RAI1: variants seen among roughly 807,000 people sequenced by gnomAD.
RAI1 encodes retinoic acid-induced protein 1.
Under a neutral mutation model 123.8 loss-of-function variants are expected in RAI1, and 9 were observed. The observed-to-expected ratio is 0.07, with a 90% confidence interval of 0.04 to 0.13. RAI1 has a LOEUF of 0.13. Among genes scored for constraint, RAI1 ranks in the 10% least tolerant of loss-of-function variants. The pLI is 1.00. For synonymous variants in RAI1, 1,231 were observed against 1,127.3 expected, an observed-to-expected ratio of 1.09 and a Z score of -1.84; for missense variants, 2,256 against 2,545.8, an observed-to-expected ratio of 0.89 and a Z score of 2.45.
chr17:17,742,572 C>T (rs1489163587), intron 2 of RAI1, among the ~76,000 whole-genome samples: 1 of 152,140 alleles, frequency 6.6e-6, no homozygotes, highest in Non-Finnish European at 1.5e-5. Flanking sequence ...GGAAACTTTG[C>T]CAAAAATAAT....
rs772479052 is a variant in RAI1, at chr17:17,793,649, A to G, written c.701A>G (p.His234Arg). The stretch of plus-strand genomic sequence containing the variant: ...GTCCAGGGTGGTGGGCAGGGGGCCC[A>G]CTCCTATAAGAGTTGCACAGCACCG... ...SSVQGGGQGA[H>R]SYKSCTAPTA... Residue 234 changes from histidine to arginine, a missense_variant, in exon 3 of 6, where the codon CAC (histidine) becomes CGC (arginine). His to Arg is a conservative substitution (Grantham distance 29). Coordinates refer to ENST00000353383, the MANE Select transcript of RAI1 (RefSeq NM_030665.4). 6.2e-7 allele frequency: 1 copy of G among 1,612,634 alleles called. No homozygotes were observed. The highest frequency in any genetic ancestry group is 8.5e-7 in the Non-Finnish European group (1 of 1,179,880).
intron 1 of RAI1, among the ~76,000 whole-genome samples, chr17:17,715,927 A>T (rs1217337427): frequency 6.6e-6 from 1 of 152,134 alleles, no homozygotes; most frequent in Non-Finnish European, 1.5e-5. Flanking sequence ...GGAGTGGAGG[A>T]GTGCTGGAAG....
chr17:17,777,174 C>A (rs2031377099), intron 2 of RAI1: 1 of 152,076 alleles, frequency 6.6e-6, no homozygotes, highest in African/African-American at 2.4e-5. Context: ...GACTTCGGGC[C>A]CAGGTTAGAG....
chr17:17,774,578 G>A (rs1309560564), intron 2 of RAI1, among the ~76,000 whole-genome samples: 1 of 152,254 alleles, frequency 6.6e-6, no homozygotes, highest in East Asian at 1.9e-4. Context: ...GCCCACCCGG[G>A]CAGTGACCAG....
At chr17:17,766,555 G>A (rs764741286) in intron 2 of RAI1, among the ~76,000 whole-genome samples, 1 of 152,162 alleles carries the variant, frequency 6.6e-6, no homozygotes, top group Non-Finnish European at 1.5e-5. Context: ...AACTCTGGGC[G>A]TCAGCACTGG....
intron 2 of RAI1, among the ~76,000 whole-genome samples, chr17:17,728,230 A>G (rs1171335969): frequency 6.6e-6 from 1 of 151,466 alleles, no homozygotes; most frequent in Non-Finnish European, 1.5e-5. Flanking sequence ...GGAGGGATCC[A>G]GGCATCAGGC....
At chr17:17,708,807 C>T (rs1915473202) in intron 1 of RAI1, among the ~76,000 whole-genome samples, 5 of 152,186 alleles carry the variant, frequency 3.3e-5, no homozygotes, top group Admixed American at 3.3e-4. Flanking sequence ...TAAGTGGACA[C>T]CATAACTGAC....
chr17:17,794,486 A>G lies in RAI1; in HGVS notation c.1538A>G (p.Gln513Arg), dbSNP rs147091667. The G allele has an allele frequency of 6.2e-4, 1,007 of 1,611,970 alleles. 1 individual carries two copies. Among genetic ancestry groups the G allele is most frequent in the Non-Finnish European group, 6.0e-4 (713 of 1,179,446 alleles). The change falls in exon 3 of 6, where the codon CAG becomes CGG. Residue 513 changes from glutamine (Q) to arginine (R), a missense_variant. Gln to Arg is a conservative substitution (Grantham distance 43, BLOSUM62 1). This residue lies in a region of RAI1 where 357 missense variants were observed against 480.2 expected (regional missense o/e 0.74). Coordinates refer to ENST00000353383, the MANE Select transcript of RAI1 (RefSeq NM_030665.4). ...STPQSTHAEP[Q>R]EADYLSGSED... ...CCACAGTCCACGCATGCGGAGCCGC[A>G]GGAGGCCGACTACCTGAGCGGCTCC...
chr17:17,718,142 T>G (rs1915768458), intron 1 of RAI1, among the ~76,000 whole-genome samples: 1 of 152,154 alleles, frequency 6.6e-6, no homozygotes, highest in Non-Finnish European at 1.5e-5. Context: ...CTCCCCCTGC[T>G]TCCCCTGGTC....
At chr17:17,787,366 A>G (rs1213731562) in intron 2 of RAI1, among the ~76,000 whole-genome samples, 2 of 152,220 alleles carry the variant, frequency 1.3e-5, no homozygotes, top group Non-Finnish European at 2.9e-5. Context: ...CGACCCAGCA[A>G]TCAGCACCCC....
chr17:17,790,317 AG>A (rs920917781), intron 2 of RAI1, among the ~76,000 whole-genome samples: 1 of 152,148 alleles, frequency 6.6e-6, no homozygotes, highest in African/African-American at 2.4e-5. Context: ...CTTGGGTTCC[AG>A]GGTGGTGTTG....
chr17:17,772,042 C>T (rs1036564573), intron 2 of RAI1, among the ~76,000 whole-genome samples: 3 of 152,214 alleles, frequency 2.0e-5, no homozygotes, highest in Non-Finnish European at 4.4e-5. Flanking sequence ...CTCAGACATG[C>T]AATCTGTCAC....
chr17:17,803,708 G>T (rs751683044), intron 3 of RAI1, 48 bp from the exon 4 acceptor site: 10 of 1,555,970 alleles, frequency 6.4e-6, no homozygotes, highest in South Asian at 1.1e-5. Flanking sequence ...AAGCTTGAGG[G>T]CTGGGCTCCA....
intron 2 of RAI1, among the ~76,000 whole-genome samples, chr17:17,731,026 G>A (rs919137828): frequency 2.0e-5 from 3 of 152,200 alleles, no homozygotes; most frequent in Non-Finnish European, 2.9e-5. Flanking sequence ...GGCTCTGCAG[G>A]AGCTGGGAAC....
chr17:17,734,313 G>A (rs1319905400), intron 2 of RAI1, among the ~76,000 whole-genome samples: 5 of 151,954 alleles, frequency 3.3e-5, no homozygotes, highest in Non-Finnish European at 7.4e-5. Flanking sequence ...GCATGGTGGT[G>A]GGTGCCTGTG....
chr17:17,684,517 C>G (rs1914553571), intron 1 of RAI1: 3 of 151,928 alleles, frequency 2.0e-5, no homozygotes, highest in Admixed American at 2.0e-4. Flanking sequence ...TCATGTTAAA[C>G]TACTCAAGTA....
chr17:17,804,926 G>A (rs764550981), intron 4 of RAI1, among the ~76,000 whole-genome samples: 6 of 151,890 alleles, frequency 4.0e-5, no homozygotes, highest in African/African-American at 1.5e-4. Context: ...GCAGTGGTGC[G>A]ATCTTGGCTC....
At chr17:17,686,651 CATG>C (rs1215559701) in intron 1 of RAI1, among the ~76,000 whole-genome samples, 1 of 145,466 alleles carries the variant, frequency 6.9e-6, no homozygotes, top group East Asian at 2.0e-4. Flanking sequence ...AAGAGAAAAA[CATG>C]AGGGCAGAGA....
intron 1 of RAI1, among the ~76,000 whole-genome samples, chr17:17,717,644 T>A (rs551503685): frequency 1.3e-5 from 2 of 151,786 alleles, no homozygotes; most frequent in South Asian, 4.2e-4. Context: ...TGCCCTGTCC[T>A]CTCTTTCCCC....
Sources: gnomAD v4.1 joint callset for allele counts (sites outside exome capture counted in the v4.1 genomes callset) on GRCh38, gnomAD v4.1.1 for gene constraint, gnomAD v4.1.1 regional missense constraint, MANE v1.5 for transcripts, NCBI Gene and HGNC (gene_info 2026-07-23, HGNC 2026-07-21) for gene names.